Variants in MAK observed in about 807,000 individuals in gnomAD.
The protein encoded by MAK is male germ cell associated kinase.
A neutral mutation model predicts 82.6 loss-of-function variants in MAK; 65 were observed. That is an observed-to-expected ratio of 0.79 (90% CI 0.64 to 0.97). The LOEUF is 0.97. Ranked by LOEUF, MAK falls within the 50% of genes least tolerant of loss-of-function variation. The probability of loss-of-function intolerance (pLI) is 0.00; values close to 1 mark genes in which losing one functional copy is unlikely to be tolerated. For synonymous variants in MAK, 250 were observed against 274.2 expected, an observed-to-expected ratio of 0.91 and a Z score of 0.87; for missense variants, 703 against 780.2, an observed-to-expected ratio of 0.90 and a Z score of 1.18.
At position 10,785,122 on chromosome 6, in the gene MAK, G is replaced by A. The variant is rs549828633; in HGVS notation, c.1317-550C>T. ...GACTTGTGCAGTGGCTAAGCACCTC[G>A]CTAGCTGTTTAGTGGTGTTTGTTAG... is the stretch of plus-strand genomic sequence containing the variant. On this transcript the variant is annotated intron_variant, in intron 10 of 14. Coordinates refer to ENST00000354489, the MANE Select transcript of MAK (RefSeq NM_001242957.3). Among the ~76,000 whole-genome samples the A allele has an allele frequency of 7.9e-5, 12 of 152,242 alleles. No homozygotes were observed. In the South Asian group the frequency reaches 1.2e-3, roughly 16 times the overall value.
At chr6:10,780,952 T>C (rs1364891082) in intron 11 of MAK, among the ~76,000 whole-genome samples, 1 of 152,094 alleles carries the variant, frequency 6.6e-6, no homozygotes, top group African/African-American at 2.4e-5. Flanking sequence ...ATAACAAGGA[T>C]TTCTGCTGCT....
rs138986266 is a variant in MAK, at chr6:10,808,795, A to G, written c.491+15T>C. On this transcript the variant is annotated intron_variant, in intron 6 of 14. Transcript: ENST00000354489. ...TAGGCTTATGCCTCAGGAGGGCTGC[A>G]TAACCCCTACTCACCATCTGGTAGA... 5.0e-6 allele frequency: 8 copies of G among 1,613,670 alleles called. No individual in the cohort carries two copies. The highest frequency in any genetic ancestry group is 4.0e-5 in the African/African-American group (3 of 75,050).
chr6:10,798,834 A>C (rs1407630826), intron 8 of MAK, among the ~76,000 whole-genome samples: 1 of 144,210 alleles, frequency 6.9e-6, no homozygotes, highest in Non-Finnish European at 1.5e-5. Context: ...TTATTTATTT[A>C]TTTATTTATT....
Position 10,775,404 on chromosome 6 carries a change from G to T in MAK, c.1521C>A (p.His507Gln), listed in dbSNP as rs375261960. 1.9e-6 allele frequency: 3 copies of T among 1,613,910 alleles called. No individual in the cohort carries two copies. The highest frequency in any genetic ancestry group is 1.3e-5 in the African/African-American group (1 of 74,936). ...TGGGGAATAACTGGTTGCTCCAAGT[G>T]TGGGGGTTTATTTCCTTTCCACTGG... ...LIASGKEINPHTWSNQLFPKS... is the reference protein window; with the variant it reads ...LIASGKEINPQTWSNQLFPKS... Residue 507 changes from histidine to glutamine, a missense_variant, in exon 12 of 15, where the codon CAC (histidine) becomes CAA (glutamine). Physicochemically the swap from His to Gln is conservative, Grantham distance 24. Transcript: ENST00000354489.
intron 1 of MAK, among the ~76,000 whole-genome samples, chr6:10,836,076 C>A (rs1222078584): frequency 6.6e-6 from 1 of 152,200 alleles, no homozygotes; most frequent in African/African-American, 2.4e-5. Flanking sequence ...ACACCGGCAA[C>A]ACCAATTGTC....
rs1008299948 is a variant in MAK at position 10,818,093 on chromosome 6, A to T, written c.157-122T>A. 5.6e-6 allele frequency: 3 copies of T among 531,806 alleles called. No individual in the cohort carries two copies. The East Asian group carries it at 1.1e-4, about 20-fold the overall frequency. 32.9% of individuals were successfully genotyped at this position (531,806 alleles called of 1,614,324 possible). On this transcript the variant is annotated intron_variant, in intron 3 of 14. Coordinates refer to ENST00000354489, the MANE Select transcript of MAK (RefSeq NM_001242957.3). The stretch of plus-strand genomic sequence containing the variant: ...ATTTTCCATTTCTCCTGGGTTCATT[A>T]ATTAATTACATTTTAATATCTACAT...
intron 13 of MAK, among the ~76,000 whole-genome samples, chr6:10,771,551 A>C (rs1773019396): frequency 2.0e-5 from 3 of 152,148 alleles, no homozygotes; most frequent in Admixed American, 1.3e-4. Context: ...GGCTCTGATC[A>C]CCCTCGTGGT....
At chr6:10,778,185 C>T (rs1338352718) in intron 11 of MAK, among the ~76,000 whole-genome samples, 4 of 152,134 alleles carry the variant, frequency 2.6e-5, no homozygotes, top group Admixed American at 6.5e-5. Context: ...CCAGGCAGTG[C>T]GTGGCATTGG....
In MAK at chr6:10,803,795, T is replaced by C; in HGVS notation, c.588A>G (p.Leu196=). 2 of 1,614,066 alleles carry C rather than the reference T, an allele frequency of 1.2e-6. No individual in the cohort carries two copies. Among genetic ancestry groups the C allele is most frequent in the Non-Finnish European group, 1.7e-6 (2 of 1,179,954 alleles). Residue 196 remains leucine, a synonymous_variant, in exon 7 of 15, where the codon TTA becomes TTG. Coordinates refer to ENST00000354489, the MANE Select transcript of MAK (RefSeq NM_001242957.3). ...CACTTGTCCCTGGGAAAAGTGGCCTTAACATATAGAGTTCAGCCATGATAC... is the reference window on the plus strand; with the variant it reads ...CACTTGTCCCTGGGAAAAGTGGCCTCAACATATAGAGTTCAGCCATGATAC... ...VGSIMAELYM[L]RPLFPGTSEV...
chr6:10,788,323 C>A (rs963033166), intron 10 of MAK, among the ~76,000 whole-genome samples: 3 of 151,968 alleles, frequency 2.0e-5, no homozygotes, highest in Admixed American at 2.0e-4. Context: ...GGTTTTGATT[C>A]AAACCTCTAC....
At chr6:10,785,606 G>T (rs866526671) in intron 10 of MAK, among the ~76,000 whole-genome samples, 2 of 152,206 alleles carry the variant, frequency 1.3e-5, no homozygotes, top group African/African-American at 4.8e-5. Flanking sequence ...GAACAGTCCC[G>T]CCATTTCTGG....
Position 10,764,491 on chromosome 6 carries a change from C to G in MAK, c.1908G>C (p.Gly636=). The part of the protein sequence containing the change: ...NRAQPIPSVH[G]RTDWVAKYGG... Reference sequence around the variant, plus strand: ...CATACTTGGCCACCCAGTCTGTCCTCCCATGCACTGAGGGAATGGGCTGTG... The same window carrying G: ...CATACTTGGCCACCCAGTCTGTCCTGCCATGCACTGAGGGAATGGGCTGTG... The change falls in exon 15 of 15, where the codon GGG becomes GGC. Residue 636 remains glycine (G), a synonymous_variant. Coordinates refer to ENST00000354489, the MANE Select transcript of MAK (RefSeq NM_001242957.3). 6.2e-7 allele frequency: 1 copy of G among 1,614,046 alleles called. No individual in the cohort carries two copies. Among genetic ancestry groups the G allele is most frequent in the Non-Finnish European group, 8.5e-7 (1 of 1,179,974 alleles).
chr6:10,827,227 G>A (rs973211344), intron 2 of MAK, among the ~76,000 whole-genome samples: 4 of 152,108 alleles, frequency 2.6e-5, no homozygotes, highest in African/African-American at 4.8e-5. Flanking sequence ...ATAACCATCT[G>A]TGGGACTGTA....
chr6:10,808,800 C>A lies in MAK; in HGVS notation c.491+10G>T, dbSNP rs745367084. 8 of 1,613,584 alleles carry A rather than the reference C, an allele frequency of 5.0e-6. No individual in the cohort carries two copies. Among genetic ancestry groups the A allele is most frequent in the Non-Finnish European group, 6.8e-6 (8 of 1,179,842 alleles). On this transcript the variant is annotated intron_variant, in intron 6 of 14. Coordinates refer to ENST00000354489, the MANE Select transcript of MAK (RefSeq NM_001242957.3). Reference sequence around the variant, plus strand: ...TTATGCCTCAGGAGGGCTGCATAACCCCTACTCACCATCTGGTAGATACAT... The same window carrying A: ...TTATGCCTCAGGAGGGCTGCATAACACCTACTCACCATCTGGTAGATACAT...
intron 5 of MAK, among the ~76,000 whole-genome samples, chr6:10,813,115 TATATATATATATATATATAA>T (rs1561987217): frequency 0.065 from 315 of 4,874 alleles, 81 homozygotes; most frequent in Non-Finnish European, 0.099. Context: ...TATATATATA[TATATATATATATATATATAA>T]ATTTTTTTTT....
chr6:10,811,061 T>C (rs760377181), intron 5 of MAK, among the ~76,000 whole-genome samples: 1 of 152,194 alleles, frequency 6.6e-6, no homozygotes, highest in Non-Finnish European at 1.5e-5. Context: ...TGCAGTGGCA[T>C]GATCTCAGCT....
chr6:10,803,689 G>C (rs757413653), intron 7 of MAK, 31 bp downstream of exon 7: 22 of 1,590,310 alleles, frequency 1.4e-5, no homozygotes, highest in Non-Finnish European at 1.8e-5. Context: ...ATAATCAAAA[G>C]TTATAGCAAC....
At position 10,764,584 on chromosome 6, in the gene MAK, A is replaced by G. The variant is rs570463236; in HGVS notation, c.1815T>C (p.Thr605=). The change falls in exon 15 of 15, where the codon ACT becomes ACC. Residue 605 remains threonine (T), a synonymous_variant. Transcript: ENST00000354489. ...TACGTCCTGAAAACTGCCCCCGACCAGTTTTTGTGTTCCAGGTATATTCTG... is the reference window on the plus strand; with the variant it reads ...TACGTCCTGAAAACTGCCCCCGACCGGTTTTTGTGTTCCAGGTATATTCTG... ...TASEYTWNTK[T]GRGQFSGRTY... The G allele has an allele frequency of 7.5e-5, 121 of 1,613,850 alleles. No homozygotes were observed. The highest frequency in any genetic ancestry group is 1.3e-5 in the Non-Finnish European group (15 of 1,179,934).
chr6:10,765,717 T>C (rs1186870424), intron 14 of MAK, among the ~76,000 whole-genome samples: 21 of 149,326 alleles, frequency 1.4e-4, no homozygotes, highest in Admixed American at 1.4e-3. Flanking sequence ...ACCTCAGCCT[T>C]GCCAATGATC....
Sources: gnomAD v4.1 joint callset for allele counts (sites outside exome capture counted in the v4.1 genomes callset) on GRCh38, gnomAD v4.1.1 for gene constraint, MANE v1.5 for transcripts, NCBI Gene and HGNC (gene_info 2026-07-23, HGNC 2026-07-21) for gene names.